SMIM10L3: variants seen among roughly 807,000 people sequenced by gnomAD.
SMIM10L3 encodes the protein salivary gland specific protein SAGSIN1.
At chr7:6,336,664 A>G in the SMIM10L3 span, among the ~76,000 whole-genome samples, 1 of 148,956 alleles carries the variant, frequency 6.7e-6, no homozygotes. Context: ...AGCCTGAGAG[A>G]GCGAGCAAGA....
chr7:6,345,541 T>G, the SMIM10L3 span, among the ~76,000 whole-genome samples: 2 of 152,112 alleles, frequency 1.3e-5, no homozygotes, highest in African/African-American at 2.4e-5. Flanking sequence ...GAGAAGCAGA[T>G]ATATGAAAAA....
At chr7:6,334,106 A>C in the SMIM10L3 span, among the ~76,000 whole-genome samples, 8 of 151,264 alleles carry the variant, frequency 5.3e-5, no homozygotes, top group Non-Finnish European at 1.0e-4. Flanking sequence ...TTGGCCTCCC[A>C]AAGTGCTGGG....
At chr7:6,344,858 C>G in the SMIM10L3 span, among the ~76,000 whole-genome samples, 1 of 151,948 alleles carries the variant, frequency 6.6e-6, no homozygotes. Flanking sequence ...TCTCCTGCCT[C>G]AGCCTCCCAA....
At chr7:6,345,332 C>A in the SMIM10L3 span, among the ~76,000 whole-genome samples, 2 of 151,624 alleles carry the variant, frequency 1.3e-5, no homozygotes, top group African/African-American at 4.8e-5. Flanking sequence ...CCAGGCTGGT[C>A]TGGAACTCCT....
At chr7:6,346,095 T>C in the SMIM10L3 span, among the ~76,000 whole-genome samples, 1 of 151,934 alleles carries the variant, frequency 6.6e-6, no homozygotes, top group East Asian at 1.9e-4. Flanking sequence ...AAATCCGGAT[T>C]GGAAATCTAA....
the SMIM10L3 span, among the ~76,000 whole-genome samples, chr7:6,334,838 G>A: frequency 5.6e-4 from 83 of 149,146 alleles, no homozygotes; most frequent in Non-Finnish European, 9.3e-4. Flanking sequence ...GCACGATCTC[G>A]ACTCACTGCA....
the SMIM10L3 span, among the ~76,000 whole-genome samples, chr7:6,340,395 G>C: frequency 3.3e-4 from 51 of 152,276 alleles, no homozygotes; most frequent in African/African-American, 1.1e-3. Flanking sequence ...AGCGACCACT[G>C]CATGTGTGTA....
At chr7:6,348,728 G>A in the SMIM10L3 span, 1 of 416,748 alleles carries the variant, frequency 2.4e-6, no homozygotes, top group East Asian at 3.5e-5. Flanking sequence ...CGCGAGAGCC[G>A]GACAGCCAGG....
At chr7:6,335,230 T>A in the SMIM10L3 span, among the ~76,000 whole-genome samples, 1 of 81,406 alleles carries the variant, frequency 1.2e-5, no homozygotes, top group Non-Finnish European at 2.8e-5. Flanking sequence ...GCCCAGCTAT[T>A]TTTTTTTTTT....
At chr7:6,334,559 C>T in the SMIM10L3 span, among the ~76,000 whole-genome samples, 1 of 152,100 alleles carries the variant, frequency 6.6e-6, no homozygotes, top group South Asian at 2.1e-4. Context: ...ACTCTGCCTC[C>T]TGGGTTCAAC....
the SMIM10L3 span, among the ~76,000 whole-genome samples, chr7:6,340,150 G>A: frequency 2.6e-5 from 4 of 152,158 alleles, no homozygotes; most frequent in African/African-American, 9.6e-5. Flanking sequence ...CTCCCAAAGT[G>A]CTGGGATTAC....
At chr7:6,332,518 A>AT in the SMIM10L3 span, among the ~76,000 whole-genome samples, 1 of 152,118 alleles carries the variant, frequency 6.6e-6, no homozygotes, top group Non-Finnish European at 1.5e-5. Flanking sequence ...TGTTCACTTA[A>AT]AAAACACCAC....
At chr7:6,333,312 C>T in the SMIM10L3 span, among the ~76,000 whole-genome samples, 30 of 152,014 alleles carry the variant, frequency 2.0e-4, no homozygotes, top group African/African-American at 4.6e-4. Flanking sequence ...TGGAGCCAGC[C>T]GAGAAGCTTC....
At chr7:6,347,199 T>A in the SMIM10L3 span, among the ~76,000 whole-genome samples, 1 of 151,952 alleles carries the variant, frequency 6.6e-6, no homozygotes, top group Non-Finnish European at 1.5e-5. Context: ...AAAAGGCAAC[T>A]GGAATTCAAG....
the SMIM10L3 span, among the ~76,000 whole-genome samples, chr7:6,333,840 CTTT>C: frequency 3.1e-5 from 3 of 96,838 alleles, no homozygotes; most frequent in Non-Finnish European, 2.1e-5. Flanking sequence ...CTCCTGGCCT[CTTT>C]TTTTTTTTTT....
chr7:6,331,782 C>G, the SMIM10L3 span, among the ~76,000 whole-genome samples: 1 of 146,448 alleles, frequency 6.8e-6, no homozygotes, highest in Non-Finnish European at 1.5e-5. Context: ...CTCTTTTTGC[C>G]TAGGCTGGAG....
chr7:6,340,934 C>T, the SMIM10L3 span, among the ~76,000 whole-genome samples: 2 of 127,650 alleles, frequency 1.6e-5, no homozygotes, highest in Admixed American at 9.2e-5. Context: ...AAGCTGTCAT[C>T]CTGCCTAACA....
the SMIM10L3 span, among the ~76,000 whole-genome samples, chr7:6,336,592 G>T: frequency 6.6e-6 from 1 of 151,374 alleles, no homozygotes; most frequent in East Asian, 1.9e-4. Flanking sequence ...GCTGAGACAC[G>T]AGAATCACTT....
chr7:6,347,538 A>G, the SMIM10L3 span, among the ~76,000 whole-genome samples: 3 of 151,670 alleles, frequency 2.0e-5, no homozygotes, highest in African/African-American at 7.3e-5. Flanking sequence ...AAGAGATACC[A>G]ATTTTTTACA....
Sources: gnomAD v4.1 joint callset for allele counts (sites outside exome capture counted in the v4.1 genomes callset) on GRCh38, gnomAD v4.1.1 for gene constraint, MANE v1.5 for transcripts, NCBI Gene and HGNC (gene_info 2026-07-23, HGNC 2026-07-21) for gene names.